YBX3: variants seen among roughly 807,000 people sequenced by gnomAD.
YBX3 encodes the protein Y-box binding protein 3, also known as Y-box-binding protein 3.
A neutral mutation model predicts 42.4 loss-of-function variants in YBX3; 29 were observed. That is an observed-to-expected ratio of 0.68 (90% CI 0.51 to 0.93). The LOEUF is 0.93. Among genes scored for constraint, YBX3 ranks in the 40% least tolerant of loss-of-function variants. The pLI, the probability that YBX3 is intolerant of heterozygous loss-of-function variation, is 0.00. For synonymous variants in YBX3, 195 were observed against 189.8 expected, an observed-to-expected ratio of 1.03 and a Z score of -0.22; for missense variants, 517 against 527.5, an observed-to-expected ratio of 0.98 and a Z score of 0.19.
chr12:10,723,213 C>G lies in YBX3; in HGVS notation c.-102G>C. On this transcript the variant is annotated 5_prime_UTR_variant, in exon 1 of 10. Transcript: ENST00000228251. ...GGCCGGGGCTCGCTCTCGGGGAGGC[C>G]GGGGCGGATCTCGCGGCGCAGGCGG... 1.7e-6 allele frequency: 2 copies of G among 1,167,870 alleles called. No homozygotes were observed. The highest frequency in any genetic ancestry group is 2.1e-6 in the Non-Finnish European group (2 of 947,464). The allele number at this position is 1,167,870 out of a possible 1,614,324, so 72.3% of individuals were successfully genotyped here.
chr12:10,710,390 C>G (rs1245600468), intron 5 of YBX3: 9 of 1,348,374 alleles, frequency 6.7e-6, no homozygotes, highest in Non-Finnish European at 7.6e-6. Context: ...CATTAGAACT[C>G]GTATCAGCTA....
intron 4 of YBX3, 81 bp downstream of exon 4, chr12:10,715,613 T>C (rs972498864): frequency 7.8e-7 from 1 of 1,280,230 alleles, no homozygotes; most frequent in Non-Finnish European, 1.1e-6. Context: ...TCATGTCAAT[T>C]CATAAGGGGC....
Position 10,701,940 on chromosome 12 carries a change from C to T in YBX3, c.1053+20G>A, listed in dbSNP as rs751477844. The T allele has an allele frequency of 1.9e-6, 3 of 1,606,820 alleles. No homozygotes were observed. The highest frequency in any genetic ancestry group is 3.4e-5 in the Admixed American group (2 of 59,410). On this transcript the variant is annotated intron_variant, in intron 8 of 9. Transcript: ENST00000228251. ...ATTAAAGACTATCTGGCAACATCCG[C>T]CCTGACTGGTTGGATTTACCTCTTT...
intron 7 of YBX3, 181 bp from the exon 8 acceptor site, chr12:10,702,315 G>GT (rs1948091050): frequency 4.6e-6 from 2 of 437,574 alleles, no homozygotes; most frequent in Admixed American, 8.5e-5. Flanking sequence ...GAGGTCAGGA[G>GT]TTTGAGACCA....
At chr12:10,700,389 AAC>A (rs1390070463) in intron 9 of YBX3, among the ~76,000 whole-genome samples, 1 of 152,150 alleles carries the variant, frequency 6.6e-6, no homozygotes, top group East Asian at 1.9e-4. Context: ...CCTCTCTCTT[AAC>A]TAAAAGCTAA....
chr12:10,722,847 C>G lies in YBX3; in HGVS notation c.262+3G>C. 6.7e-7 allele frequency: 1 copy of G among 1,490,126 alleles called. No homozygotes were observed. Among genetic ancestry groups the G allele is most frequent in the Non-Finnish European group, 8.9e-7 (1 of 1,119,774 alleles). The allele number at this position is 1,490,126 out of a possible 1,614,324, so 92.3% of individuals were successfully genotyped here. On this transcript the variant is annotated splice_donor_region_variant and intron_variant, in intron 1 of 9. Transcript: ENST00000228251. Reference sequence around the variant, plus strand: ...AGCCCCTGCCCTCCCTGGCCTGACTCACCGAGAACTTTTTTCTCCGCGTCT... The same window carrying G: ...AGCCCCTGCCCTCCCTGGCCTGACTGACCGAGAACTTTTTTCTCCGCGTCT...
rs1948295856 is a variant in YBX3 at position 10,719,103 on chromosome 12, T to C, written c.303A>G (p.Arg101=). Residue 101 remains arginine (R), a synonymous_variant, in exon 2 of 10, where the codon AGA becomes AGG. Transcript: ENST00000228251. Reference sequence around the variant, plus strand: ...ACCGATTTATAAATCCATATCCATTTCTGACGTTGAACCATTTGACAGTGC... The same window carrying C: ...ACCGATTTATAAATCCATATCCATTCCTGACGTTGAACCATTTGACAGTGC... The part of the protein sequence containing the change: ...VLGTVKWFNV[R]NGYGFINRND... 1 of 1,613,572 alleles carries C rather than the reference T, an allele frequency of 6.2e-7. No individual in the cohort carries two copies. Among genetic ancestry groups the C allele is most frequent in the Non-Finnish European group, 8.5e-7 (1 of 1,179,710 alleles).
At chr12:10,700,040 C>T (rs571609158) in intron 9 of YBX3, among the ~76,000 whole-genome samples, 2 of 152,076 alleles carry the variant, frequency 1.3e-5, no homozygotes, top group African/African-American at 2.4e-5. Context: ...TATTTTTTCC[C>T]AATATTTAAA....
In YBX3 at chr12:10,701,244, C is replaced by CA. The variant is rs1251994929; in HGVS notation, c.*34+9dup. On this transcript the variant is annotated intron_variant, in intron 9 of 9. Transcript: ENST00000228251. ...ATACCAACTCAAGACTGGGCTGCCC[C>CA]AGCTCTTACCTGCCGATGGTGAAGG... is the stretch of plus-strand genomic sequence containing the variant. 2 of 775,120 alleles carry CA rather than the reference C, an allele frequency of 2.6e-6. No homozygotes were observed. The highest frequency in any genetic ancestry group is 3.4e-5 in the African/African-American group (2 of 58,860). 48.0% of individuals were successfully genotyped at this position (775,120 alleles called of 1,614,324 possible).
At chr12:10,707,140 T>A (rs2120923358) in intron 6 of YBX3, among the ~76,000 whole-genome samples, 2 of 152,312 alleles carry the variant, frequency 1.3e-5, no homozygotes, top group Middle Eastern at 6.8e-3. Context: ...CCTTGCTCCA[T>A]TTAGGTCTCT....
rs756480754 is a variant in YBX3, at chr12:10,704,093, C to T, written c.836G>A (p.Gly279Glu). The T allele has an allele frequency of 1.2e-6, 2 of 1,614,066 alleles. No individual in the cohort carries two copies. Among genetic ancestry groups the T allele is most frequent in the African/African-American group, 2.7e-5 (2 of 74,906 alleles). Reference protein sequence around the residue: ...DGVPEGAQLQGPVHRNPTYRP... With the variant: ...DGVPEGAQLQEPVHRNPTYRP... ...GTAAGTTGGATTTCGATGAACCGGT[C>T]CCTGAAGTTGTGCTCCCTCTGGGAC... The change falls in exon 7 of 10, where the codon GGA (glycine) becomes GAA (glutamate). Residue 279 changes from glycine to glutamate, a missense_variant. By Grantham distance (98) the Gly-to-Glu change is moderately conservative. This residue lies in a region of YBX3 where 420 missense variants were observed against 408.5 expected (regional missense o/e 1.03). Coordinates refer to ENST00000228251, the MANE Select transcript of YBX3 (RefSeq NM_003651.5).
intron 1 of YBX3, among the ~76,000 whole-genome samples, chr12:10,721,177 G>C (rs1948320554): frequency 6.6e-6 from 1 of 152,196 alleles, no homozygotes; most frequent in Non-Finnish European, 1.5e-5. Flanking sequence ...GAGACAAACA[G>C]TGTTGAGGTG....
intron 6 of YBX3, among the ~76,000 whole-genome samples, chr12:10,704,764 C>T (rs1325446280): frequency 1.3e-5 from 2 of 152,194 alleles, no homozygotes; most frequent in African/African-American, 4.8e-5. Context: ...TTTCTTCTCT[C>T]CCATTACCCT....
In YBX3 at chr12:10,710,138, T is replaced by C. The variant is rs546593313; in HGVS notation, c.574-24A>G. Reference sequence around the variant, plus strand: ...TACTAGCGAAGCAAAGAAACAGAGATTCAGAAGAAGTTTTAGCAAGGAAAG... The same window carrying C: ...TACTAGCGAAGCAAAGAAACAGAGACTCAGAAGAAGTTTTAGCAAGGAAAG... On this transcript the variant is annotated intron_variant, in intron 5 of 9. Transcript: ENST00000228251. 3.4e-5 allele frequency: 55 copies of C among 1,607,676 alleles called. 1 individual carries two copies. The South Asian group carries it at 6.0e-4, about 17-fold the overall frequency.
chr12:10,701,958 ACC>A lies in YBX3; in HGVS notation c.1053_1053+1del. On this transcript the variant is annotated splice_donor_variant and coding_sequence_variant, in exon 8 of 10. Coordinates refer to ENST00000228251, the MANE Select transcript of YBX3 (RefSeq NM_003651.5). LOFTEE classifies it high-confidence loss of function. Reference sequence around the variant, plus strand: ...ACATCCGCCCTGACTGGTTGGATTTACCTCTTTGCCATCTTGTGAAGGAGCGT... The same window carrying A: ...ACATCCGCCCTGACTGGTTGGATTTATCTTTGCCATCTTGTGAAGGAGCGT... The A allele has an allele frequency of 6.2e-7, 1 of 1,611,570 alleles. No individual in the cohort carries two copies. Among genetic ancestry groups the A allele is most frequent in the Non-Finnish European group, 8.5e-7 (1 of 1,178,974 alleles).
chr12:10,715,612 T>A (rs528425659), intron 4 of YBX3, 82 bp downstream of exon 4: 49 of 1,274,658 alleles, frequency 3.8e-5, no homozygotes, highest in Non-Finnish European at 5.1e-5. Context: ...GTCATGTCAA[T>A]TCATAAGGGG....
chr12:10,709,391 A>C (rs116808263), intron 6 of YBX3, among the ~76,000 whole-genome samples: 2,031 of 152,340 alleles, frequency 0.013, 47 homozygotes, highest in African/African-American at 0.047. Flanking sequence ...GCCTTTAAAA[A>C]TCAGCACTGT....
In YBX3 at chr12:10,713,211, A is replaced by G; in HGVS notation, c.573T>C (p.Asn191=). ...TGGTTAAGTAACAGAGACAACGTAC[A>G]TTCCGGGGAGGGCCACGGCGCCTTC... is the stretch of plus-strand genomic sequence containing the variant. ...YYGRRRGPPR[N]YAGEEEEEGS... Residue 191 remains asparagine (N), a splice_region_variant and synonymous_variant, in exon 5 of 10, where the codon AAT becomes AAC. Transcript: ENST00000228251. 6.2e-7 allele frequency: 1 copy of G among 1,610,292 alleles called. No homozygotes were observed. The highest frequency in any genetic ancestry group is 1.1e-5 in the South Asian group (1 of 90,386).
chr12:10,701,206 T>A, intron 9 of YBX3, 48 bp downstream of exon 9: 1 of 754,244 alleles, frequency 1.3e-6, no homozygotes, highest in African/African-American at 1.7e-5. Flanking sequence ...AAACCAGTGA[T>A]ACTAAAAAGA....
Sources: gnomAD v4.1 joint callset for allele counts (sites outside exome capture counted in the v4.1 genomes callset) on GRCh38, gnomAD v4.1.1 for gene constraint, gnomAD v4.1.1 regional missense constraint, MANE v1.5 for transcripts, NCBI Gene and HGNC (gene_info 2026-07-23, HGNC 2026-07-21) for gene names.